CHSY3: variants seen among roughly 807,000 people sequenced by gnomAD.
The protein encoded by CHSY3 is N-acetylgalactosaminyl-proteoglycan 3-beta-glucuronosyltransferase 3.
A neutral mutation model predicts 67.2 loss-of-function variants in CHSY3; 35 were observed. That is an observed-to-expected ratio of 0.52 (90% confidence interval 0.40 to 0.69). The LOEUF (loss-of-function observed/expected upper bound fraction) is 0.69. Among genes scored for constraint, CHSY3 ranks in the 30% least tolerant of loss-of-function variants. The pLI, the probability that CHSY3 is intolerant of heterozygous loss-of-function variation, is 0.00. For synonymous variants in CHSY3, 474 were observed against 434.7 expected (o/e 1.09, Z -1.12); for missense variants, 1,069 against 1,138.5 (o/e 0.94, Z 0.88).
intron 2 of CHSY3, among the ~76,000 whole-genome samples, chr5:129,954,918 C>T (rs1388537999): frequency 6.6e-6 from 1 of 152,102 alleles, no homozygotes; most frequent in Non-Finnish European, 1.5e-5. Flanking sequence ...ACCCAGGCTG[C>T]AGTGCCGTGG....
chr5:130,183,179 C>A (rs1313722219), intron 2 of CHSY3, among the ~76,000 whole-genome samples: 2 of 151,910 alleles, frequency 1.3e-5, no homozygotes, highest in Non-Finnish European at 2.9e-5. Context: ...ATGGAGGTGT[C>A]TTAATCGACT....
chr5:129,920,510 C>T (rs965223808), intron 2 of CHSY3, among the ~76,000 whole-genome samples: 4 of 152,172 alleles, frequency 2.6e-5, no homozygotes, highest in Non-Finnish European at 5.9e-5. Context: ...TCTCAAAGTG[C>T]TGGGATTACA....
At chr5:129,954,687 A>G (rs767916831) in intron 2 of CHSY3, among the ~76,000 whole-genome samples, 12 of 152,060 alleles carry the variant, frequency 7.9e-5, no homozygotes, top group Admixed American at 7.9e-4. Context: ...CTCCTTGAAG[A>G]GGTCCTTCAC....
At chr5:130,058,111 G>T (rs1394317121) in intron 2 of CHSY3, among the ~76,000 whole-genome samples, 2 of 152,044 alleles carry the variant, frequency 1.3e-5, no homozygotes, top group Non-Finnish European at 2.9e-5. Flanking sequence ...CTGCTGTCAT[G>T]ACTCTAGAGA....
intron 2 of CHSY3, among the ~76,000 whole-genome samples, chr5:130,138,558 A>T (rs1012651262): frequency 6.6e-6 from 1 of 152,250 alleles, no homozygotes; most frequent in African/African-American, 2.4e-5. Context: ...TGATACTAAA[A>T]GAATGGCAGA....
chr5:129,992,473 T>G (rs992900234), intron 2 of CHSY3, among the ~76,000 whole-genome samples: 9 of 152,202 alleles, frequency 5.9e-5, no homozygotes, highest in Non-Finnish European at 1.5e-5. Flanking sequence ...AAACTACAAA[T>G]ACCAGATAAG....
intron 2 of CHSY3, among the ~76,000 whole-genome samples, chr5:130,009,544 C>G (rs1763986234): frequency 6.6e-6 from 1 of 151,812 alleles, no homozygotes; most frequent in Non-Finnish European, 1.5e-5. Flanking sequence ...TAAAACCACT[C>G]ATTTAATTAC....
intron 2 of CHSY3, among the ~76,000 whole-genome samples, chr5:130,160,895 ATTTT>A (rs1235724208): frequency 2.8e-5 from 4 of 142,428 alleles, no homozygotes; most frequent in Non-Finnish European, 3.0e-5. Context: ...TTATTTATTT[ATTTT>A]TTTTTTTTTA....
At chr5:130,034,284 A>G (rs918671240) in intron 2 of CHSY3, among the ~76,000 whole-genome samples, 2 of 152,114 alleles carry the variant, frequency 1.3e-5, no homozygotes, top group Admixed American at 1.3e-4. Context: ...GCTTTTAGCT[A>G]TTAATCTTGG....
At chr5:130,125,885 T>G (rs1427172070) in intron 2 of CHSY3, among the ~76,000 whole-genome samples, 1 of 152,158 alleles carries the variant, frequency 6.6e-6, no homozygotes, top group Admixed American at 6.5e-5. Context: ...GTCTCAGGAG[T>G]GCCATCCTTT....
intron 2 of CHSY3, among the ~76,000 whole-genome samples, chr5:130,105,833 T>A (rs2149701148): frequency 6.6e-6 from 1 of 151,748 alleles, no homozygotes; most frequent in African/African-American, 2.4e-5. Context: ...AAAATTATTC[T>A]TGAAAAAGTG....
At chr5:129,954,383 C>T (rs1243441186) in intron 2 of CHSY3, among the ~76,000 whole-genome samples, 1 of 151,758 alleles carries the variant, frequency 6.6e-6, no homozygotes, top group African/African-American at 2.4e-5. Flanking sequence ...ATTACTGTGG[C>T]CTTATAGTAT....
chr5:129,930,508 C>T lies in CHSY3; in HGVS notation c.1086+22148C>T, dbSNP rs11242014. On this transcript the variant is annotated intron_variant, in intron 2 of 2. Coordinates refer to ENST00000305031, the MANE Select transcript of CHSY3 (RefSeq NM_175856.5). ...GATGTTTAAAAGGAGGCATCACTGG[C>T]GGGGGGGGGGTATGAAGTTTTGCCT... Among the ~76,000 whole-genome samples the T allele has an allele frequency of 1.7e-3, 179 of 105,320 alleles. 3 individuals carry two copies. The highest frequency in any genetic ancestry group is 6.5e-3 in the African/African-American group (157 of 24,230). The allele number at this position is 105,320 out of a possible 152,430, so 69.1% of individuals were successfully genotyped here.
intron 2 of CHSY3, among the ~76,000 whole-genome samples, chr5:130,095,804 C>G (rs1261537033): frequency 6.6e-6 from 1 of 152,210 alleles, no homozygotes; most frequent in Admixed American, 6.5e-5. Context: ...AAAGTAGTAA[C>G]TTGACAGTGG....
chr5:130,102,352 T>G (rs181346813), intron 2 of CHSY3, among the ~76,000 whole-genome samples: 4 of 152,192 alleles, frequency 2.6e-5, no homozygotes, highest in Admixed American at 2.6e-4. Context: ...ATGTGTCTTT[T>G]TTGTCATTAG....
At chr5:130,055,300 T>G (rs1218501719) in intron 2 of CHSY3, among the ~76,000 whole-genome samples, 2 of 150,538 alleles carry the variant, frequency 1.3e-5, no homozygotes, top group African/African-American at 4.9e-5. Flanking sequence ...AAAAAAGTCG[T>G]TTTGAACTAT....
At chr5:130,012,988 A>T (rs574513679) in intron 2 of CHSY3, among the ~76,000 whole-genome samples, 1 of 152,056 alleles carries the variant, frequency 6.6e-6, no homozygotes, top group African/African-American at 2.4e-5. Flanking sequence ...CCTAGATACA[A>T]TGAGGGTACA....
Position 130,088,687 on chromosome 5 carries a change from A to G in CHSY3, c.1087-95542A>G, listed in dbSNP as rs1766760695. On this transcript the variant is annotated intron_variant, in intron 2 of 2. Coordinates refer to ENST00000305031, the MANE Select transcript of CHSY3 (RefSeq NM_175856.5). ...CCACAATGAGATACCATCTCACACC[A>G]GTTAGAATGGCAATCATTAAAAAGT... 6.6e-5 allele frequency among the ~76,000 whole-genome samples: 10 copies of G among 152,270 alleles called. No homozygotes were observed. The South Asian group carries it at 1.7e-3, about 25-fold the overall frequency.
intron 2 of CHSY3, among the ~76,000 whole-genome samples, chr5:130,138,804 G>T (rs1768757284): frequency 6.6e-6 from 1 of 152,170 alleles, no homozygotes; most frequent in Non-Finnish European, 1.5e-5. Flanking sequence ...TGTTCCAGTA[G>T]GTTGGACCCA....
Sources: gnomAD v4.1 joint callset for allele counts (sites outside exome capture counted in the v4.1 genomes callset) on GRCh38, gnomAD v4.1.1 for gene constraint, MANE v1.5 for transcripts, NCBI Gene and HGNC (gene_info 2026-07-23, HGNC 2026-07-21) for gene names.